The following BARX2 variants were observed in gnomAD, a reference collection of about 807,000 sequenced individuals.
BARX2 encodes the protein homeobox protein BarH-like 2.
BARX2 carries 11 observed loss-of-function variants against 25.5 expected under a neutral mutation model. The observed-to-expected ratio is 0.43, with a 90% confidence interval of 0.27 to 0.71. BARX2 has a LOEUF of 0.71. Ranked by LOEUF, BARX2 falls within the 30% of genes least tolerant of loss-of-function variation. The pLI is 0.19. For synonymous variants in BARX2, 137 were observed against 149.5 expected (o/e 0.92, Z 0.61); for missense variants, 360 against 359.9 (o/e 1.00, Z 0.00).
chr11:129,403,005 A>G (rs1861793387), intron 1 of BARX2, among the ~76,000 whole-genome samples: 1 of 152,258 alleles, frequency 6.6e-6, no homozygotes. Context: ...AATCAACTCT[A>G]TATGCAAATG....
chr11:129,428,070 T>C (rs1197587898), intron 1 of BARX2, among the ~76,000 whole-genome samples: 1 of 152,216 alleles, frequency 6.6e-6, no homozygotes, highest in Non-Finnish European at 1.5e-5. Context: ...TTATGTGATC[T>C]CCATCCCAGA....
At chr11:129,438,342 AAG>A (rs1242546360) in intron 2 of BARX2, 1 of 146,834 alleles carries the variant, frequency 6.8e-6, no homozygotes, top group South Asian at 2.2e-4. Flanking sequence ...AAAAAAAAAA[AAG>A]TGTGTATCTC....
chr11:129,424,562 GGCACT>G (rs56655972), intron 1 of BARX2, among the ~76,000 whole-genome samples: 21,269 of 152,022 alleles, frequency 0.14, 2,127 homozygotes, highest in East Asian at 0.57. Context: ...CCTGTCACCA[GGCACT>G]GTACTCTCTA....
intron 1 of BARX2, among the ~76,000 whole-genome samples, chr11:129,395,539 T>C (rs935223451): frequency 2.0e-5 from 3 of 152,134 alleles, no homozygotes; most frequent in African/African-American, 7.2e-5. Context: ...TGTGAGGCTT[T>C]TCGTGTTCTT....
chr11:129,415,041 A>T (rs983914056), intron 1 of BARX2, among the ~76,000 whole-genome samples: 2 of 152,204 alleles, frequency 1.3e-5, no homozygotes, highest in Non-Finnish European at 2.9e-5. Context: ...AATTTATTTC[A>T]CTTTTTATTT....
intron 1 of BARX2, among the ~76,000 whole-genome samples, chr11:129,422,866 G>A (rs1862020983): frequency 6.6e-6 from 1 of 151,844 alleles, no homozygotes; most frequent in South Asian, 2.1e-4. Flanking sequence ...ACCACACCTA[G>A]CTAATTTTGT....
At chr11:129,397,728 A>G (rs1468471253) in intron 1 of BARX2, among the ~76,000 whole-genome samples, 1 of 152,140 alleles carries the variant, frequency 6.6e-6, no homozygotes. Flanking sequence ...GAATCATACG[A>G]CCAATTCCAT....
At chr11:129,398,890 G>T (rs1001111029) in intron 1 of BARX2, among the ~76,000 whole-genome samples, 2 of 152,178 alleles carry the variant, frequency 1.3e-5, no homozygotes, top group African/African-American at 4.8e-5. Flanking sequence ...AGGGATCTAC[G>T]TGGCTGTGTT....
Position 129,436,923 on chromosome 11 carries a change from G to A in BARX2, c.360G>A (p.Glu120=). The stretch of plus-strand genomic sequence containing the variant: ...GGGGCGAGGCCCTAGCCAGCAGCGA[G>A]TCAGAGACGGAACAGCCCACGCCCC... ...APGGEALASS[E]SETEQPTPRQ... Residue 120 remains glutamate (E), a synonymous_variant, in exon 2 of 4, where the codon GAG becomes GAA. Coordinates refer to ENST00000281437, the MANE Select transcript of BARX2 (RefSeq NM_003658.5). This position sits in a 1 kb window ranked among gnomAD's most constrained non-coding sequence, Gnocchi z 4.5. 1 of 1,613,946 alleles carries A rather than the reference G, an allele frequency of 6.2e-7. No individual in the cohort carries two copies. Among genetic ancestry groups the A allele is most frequent in the East Asian group, 2.2e-5 (1 of 44,882 alleles).
chr11:129,385,008 T>C (rs886701342), intron 1 of BARX2, among the ~76,000 whole-genome samples: 2 of 152,148 alleles, frequency 1.3e-5, no homozygotes, highest in Non-Finnish European at 2.9e-5. Flanking sequence ...AAGGCTACAA[T>C]CAGGCAATTC....
intron 1 of BARX2, among the ~76,000 whole-genome samples, chr11:129,404,103 G>C (rs1052575441): frequency 2.0e-5 from 3 of 152,172 alleles, no homozygotes; most frequent in African/African-American, 7.2e-5. Flanking sequence ...TTTTCAACAA[G>C]GACCACTGTG....
At chr11:129,442,121 T>C (rs1329587347) in intron 2 of BARX2, among the ~76,000 whole-genome samples, 1 of 152,228 alleles carries the variant, frequency 6.6e-6, no homozygotes, top group Non-Finnish European at 1.5e-5. Flanking sequence ...ATTTATAACA[T>C]TTTAATTGTT....
intron 3 of BARX2, among the ~76,000 whole-genome samples, chr11:129,444,924 C>T (rs1862306263): frequency 1.3e-5 from 2 of 152,080 alleles, no homozygotes; most frequent in South Asian, 4.1e-4. Flanking sequence ...TCACTTGAAT[C>T]CAGGAGGCAG....
Position 129,451,555 on chromosome 11 carries a change from G to A in BARX2, c.*153G>A. ...CCCTCCCACAGTTACCATTGGCCTT[G>A]TCATCGCAAGCATTTGACAAAGACT... On this transcript the variant is annotated 3_prime_UTR_variant, in exon 4 of 4. Transcript: ENST00000281437. The A allele has an allele frequency of 1.1e-6, 1 of 876,198 alleles. No individual in the cohort carries two copies. The highest frequency in any genetic ancestry group is 1.7e-6 in the Non-Finnish European group (1 of 585,488). The allele number at this position is 876,198 out of a possible 1,614,324, so 54.3% of individuals were successfully genotyped here.
At chr11:129,412,122 G>A (rs182061804) in intron 1 of BARX2, among the ~76,000 whole-genome samples, 1,574 of 151,928 alleles carry the variant, frequency 0.01, 29 homozygotes, top group African/African-American at 0.036. Flanking sequence ...AACACAAAAA[G>A]TTAGCCGGGC....
intron 1 of BARX2, among the ~76,000 whole-genome samples, chr11:129,384,190 A>C (rs1453410878): frequency 1.3e-5 from 2 of 152,000 alleles, no homozygotes; most frequent in Non-Finnish European, 2.9e-5. Flanking sequence ...TGCATAGAAT[A>C]GGATTGGCTG....
chr11:129,402,907 A>AT (rs1861792315), intron 1 of BARX2, among the ~76,000 whole-genome samples: 1 of 152,262 alleles, frequency 6.6e-6, no homozygotes, highest in Non-Finnish European at 1.5e-5. Context: ...AACATAAGAC[A>AT]TTCCAGGAAG....
intron 1 of BARX2, among the ~76,000 whole-genome samples, chr11:129,388,639 A>G (rs1272554607): frequency 6.6e-6 from 1 of 152,214 alleles, no homozygotes; most frequent in Non-Finnish European, 1.5e-5. Context: ...GATTGGCATC[A>G]CTTAAAAGAA....
intron 1 of BARX2, among the ~76,000 whole-genome samples, chr11:129,407,308 A>G (rs1861841174): frequency 6.6e-6 from 1 of 152,192 alleles, no homozygotes; most frequent in South Asian, 2.1e-4. Context: ...TTTGCGTATG[A>G]TGCTATTTAC....
Sources: gnomAD v4.1 joint callset for allele counts (sites outside exome capture counted in the v4.1 genomes callset) on GRCh38, gnomAD v4.1.1 for gene constraint, Gnocchi (gnomAD v3.1) non-coding constraint, MANE v1.5 for transcripts, NCBI Gene and HGNC (gene_info 2026-07-23, HGNC 2026-07-21) for gene names.